KCNH1: variants seen among roughly 807,000 people sequenced by gnomAD.
KCNH1 encodes voltage-gated delayed rectifier potassium channel KCNH1.
Under a neutral mutation model 69.2 loss-of-function variants are expected in KCNH1, and 27 were observed. That is an observed-to-expected ratio of 0.39 (90% CI 0.29 to 0.54). The LOEUF (loss-of-function observed/expected upper bound fraction) is 0.54, where lower values mean the gene tolerates loss of function less well. Among genes scored for constraint, KCNH1 ranks in the 20% least tolerant of loss-of-function variants. The pLI is 0.68. For missense variants in KCNH1, 798 were observed against 1,261.6 expected, an observed-to-expected ratio of 0.63 and a Z score of 5.57; for synonymous variants, 456 against 487.7, an observed-to-expected ratio of 0.93 and a Z score of 0.86.
At chr1:210,760,726 G>A (rs1204929574) in intron 10 of KCNH1, among the ~76,000 whole-genome samples, 1 of 152,198 alleles carries the variant, frequency 6.6e-6, no homozygotes, top group African/African-American at 2.4e-5. Context: ...GATGGTAGCA[G>A]GCAAAGAGAG....
intron 6 of KCNH1, among the ~76,000 whole-genome samples, chr1:210,997,551 G>A (rs564991844): frequency 6.6e-6 from 1 of 152,358 alleles, no homozygotes; most frequent in Non-Finnish European, 1.5e-5. Context: ...GTACCTGAAA[G>A]TGACAGGGAG....
In KCNH1 at chr1:211,042,061, C is replaced by T. The variant is rs549756119; in HGVS notation, c.559-22805G>A. ...TGAGTCAGTGCACTTGGCCCACCCA[C>T]TGGCTTTCTGCAAAGACACCAACTC... is the stretch of plus-strand genomic sequence containing the variant. On this transcript the variant is annotated intron_variant, in intron 5 of 10. Coordinates refer to ENST00000271751, the MANE Select transcript of KCNH1 (RefSeq NM_172362.3). Among the ~76,000 whole-genome samples, 5 of 152,280 alleles carry T rather than the reference C, an allele frequency of 3.3e-5. No homozygotes were observed. The South Asian group carries it at 8.3e-4, about 25-fold the overall frequency.
intron 6 of KCNH1, among the ~76,000 whole-genome samples, chr1:210,955,021 T>G (rs894973193): frequency 2.6e-5 from 4 of 152,196 alleles, no homozygotes; most frequent in African/African-American, 9.7e-5. Flanking sequence ...CTTCTAGGGT[T>G]TTTACGGTTT....
chr1:211,016,206 C>T (rs537131402), intron 6 of KCNH1, among the ~76,000 whole-genome samples: 4 of 152,158 alleles, frequency 2.6e-5, no homozygotes, highest in Admixed American at 2.6e-4. Flanking sequence ...GAAGGAGTTC[C>T]AACCCAACAT....
intron 6 of KCNH1, among the ~76,000 whole-genome samples, chr1:210,973,740 C>T (rs1488284263): frequency 6.6e-6 from 1 of 152,084 alleles, no homozygotes; most frequent in Non-Finnish European, 1.5e-5. Flanking sequence ...CCACCAATGT[C>T]ATTAGTCATT....
chr1:210,687,019 G>T (rs1379953105), intron 10 of KCNH1, among the ~76,000 whole-genome samples: 3 of 152,092 alleles, frequency 2.0e-5, no homozygotes, highest in African/African-American at 7.2e-5. Context: ...CTTCTTCCTG[G>T]AAAGAAGAAA....
At chr1:210,733,949 TCA>T (rs142236390) in intron 10 of KCNH1, among the ~76,000 whole-genome samples, 17,615 of 80,136 alleles carry the variant, frequency 0.22, 1,204 homozygotes, top group Non-Finnish European at 0.28. Flanking sequence ...TCTGTCTGTC[TCA>T]CACACACACA....
chr1:211,118,580 T>G (rs1485280480), intron 1 of KCNH1, among the ~76,000 whole-genome samples: 1 of 152,172 alleles, frequency 6.6e-6, no homozygotes, highest in Non-Finnish European at 1.5e-5. Context: ...CCCACATAGT[T>G]TTCCTCTGGT....
intron 7 of KCNH1, among the ~76,000 whole-genome samples, chr1:210,869,628 C>T (rs1421071609): frequency 6.6e-6 from 1 of 151,686 alleles, no homozygotes; most frequent in Non-Finnish European, 1.5e-5. Flanking sequence ...TTGAACTGTG[C>T]TCTTACTGGC....
intron 7 of KCNH1, 59 bp from the exon 8 acceptor site, chr1:210,804,225 G>T: frequency 6.9e-7 from 1 of 1,459,138 alleles, no homozygotes; most frequent in Non-Finnish European, 9.4e-7. Context: ...CCTGAGCCAG[G>T]GTTCCAGAAT....
rs777998532 is a variant in KCNH1, at chr1:211,131,568, G to A, written c.79+2299C>T. ...AAAGGTAAAATGCTATTTTAATACC[G>A]TAATGTCCAAAAAAGGGCTCATGGA... On this transcript the variant is annotated intron_variant, in intron 1 of 10. Transcript: ENST00000271751. Among the ~76,000 whole-genome samples the A allele has an allele frequency of 1.1e-4, 16 of 152,044 alleles. No individual in the cohort carries two copies. The East Asian group carries it at 1.2e-3, about 11-fold the overall frequency.
chr1:210,768,451 C>T (rs1310628273), intron 10 of KCNH1, among the ~76,000 whole-genome samples: 1 of 152,184 alleles, frequency 6.6e-6, no homozygotes, highest in Non-Finnish European at 1.5e-5. Flanking sequence ...ACTATTATGG[C>T]TCCTATTCTT....
chr1:210,712,496 G>C (rs553802857), intron 10 of KCNH1, among the ~76,000 whole-genome samples: 7 of 152,282 alleles, frequency 4.6e-5, no homozygotes, highest in Middle Eastern at 3.4e-3. Flanking sequence ...ATGCCTTCAG[G>C]CTGTTTCCTA....
chr1:210,837,071 T>C (rs1685298401), intron 7 of KCNH1, among the ~76,000 whole-genome samples: 1 of 152,216 alleles, frequency 6.6e-6, no homozygotes, highest in Non-Finnish European at 1.5e-5. Context: ...TGCCCACAAC[T>C]CTGGCTTCAT....
chr1:211,026,772 C>T (rs1201447349), intron 5 of KCNH1, among the ~76,000 whole-genome samples: 1 of 152,150 alleles, frequency 6.6e-6, no homozygotes, highest in African/African-American at 2.4e-5. Context: ...CCACCACTGC[C>T]CAGCAGTCAT....
chr1:211,078,394 A>C (rs1383691023), intron 5 of KCNH1, among the ~76,000 whole-genome samples: 1 of 152,214 alleles, frequency 6.6e-6, no homozygotes, highest in Non-Finnish European at 1.5e-5. Context: ...GCAAATGTAA[A>C]GAACAGAAAT....
chr1:210,970,985 A>G (rs1276193797), intron 6 of KCNH1, among the ~76,000 whole-genome samples: 1 of 152,236 alleles, frequency 6.6e-6, no homozygotes, highest in East Asian at 1.9e-4. Flanking sequence ...TGGGCAGAGG[A>G]CATGAACAGA....
At chr1:210,848,930 A>G (rs1280983059) in intron 7 of KCNH1, among the ~76,000 whole-genome samples, 3 of 152,204 alleles carry the variant, frequency 2.0e-5, no homozygotes, top group African/African-American at 7.2e-5. Context: ...GACCTTAAAA[A>G]GCTTAGAGTA....
rs1448536261 is a variant in KCNH1, at chr1:210,804,224, G to T, written c.1463-58C>A. The stretch of plus-strand genomic sequence containing the variant: ...TAACAAGTTAGTGGTCCCTGAGCCA[G>T]GGTTCCAGAATGCTCAGCTTGCTCA... On this transcript the variant is annotated intron_variant, in intron 7 of 10. Coordinates refer to ENST00000271751, the MANE Select transcript of KCNH1 (RefSeq NM_172362.3). The T allele has an allele frequency of 2.0e-6, 3 of 1,465,500 alleles. No individual in the cohort carries two copies. In the Admixed American group the frequency reaches 5.9e-5, roughly 29 times the overall value. The allele number at this position is 1,465,500 out of a possible 1,614,324, so 90.8% of individuals were successfully genotyped here. A position where few individuals can be genotyped will look rare whatever the true frequency, so the allele number is the denominator to read the frequency against.
Sources: allele counts gnomAD v4.1 joint callset (sites outside exome capture counted in the v4.1 genomes callset), GRCh38; gene constraint gnomAD v4.1.1; transcripts MANE v1.5; gene names NCBI Gene and HGNC (gene_info 2026-07-23, HGNC 2026-07-21).